Variants in KCTD16 observed in about 807,000 individuals in gnomAD.
KCTD16 encodes the protein BTB/POZ domain-containing protein KCTD16.
A neutral mutation model predicts 33.2 loss-of-function variants in KCTD16; 13 were observed. The ratio of observed to expected loss-of-function variants is 0.39; its 90% confidence interval spans 0.25 to 0.62. The LOEUF is 0.62. Among genes scored for constraint, KCTD16 ranks in the 20% least tolerant of loss-of-function variants. The pLI, the probability that KCTD16 is intolerant of heterozygous loss-of-function variation, is 0.50. For missense variants in KCTD16, 441 were observed against 525.1 expected, an observed-to-expected ratio of 0.84 and a Z score of 1.57; for synonymous variants, 197 against 195.3, an observed-to-expected ratio of 1.01 and a Z score of -0.07.
At chr5:144,436,949 A>C (rs183443469) in intron 3 of KCTD16, among the ~76,000 whole-genome samples, 3 of 152,150 alleles carry the variant, frequency 2.0e-5, no homozygotes, top group Admixed American at 2.0e-4. Flanking sequence ...CTATAATAAT[A>C]TGTACTACTG....
At chr5:144,308,460 AT>A (rs1214002238) in intron 3 of KCTD16, among the ~76,000 whole-genome samples, 16 of 152,092 alleles carry the variant, frequency 1.1e-4, no homozygotes, top group Non-Finnish European at 1.0e-4. Context: ...GCAGGTGTTG[AT>A]TTTTTTGTGA....
intron 3 of KCTD16, among the ~76,000 whole-genome samples, chr5:144,375,214 C>A (rs779262101): frequency 3.3e-5 from 5 of 152,192 alleles, no homozygotes; most frequent in Admixed American, 1.3e-4. Context: ...CTACCATAAC[C>A]TTTTACTAGC....
intron 3 of KCTD16, among the ~76,000 whole-genome samples, chr5:144,346,877 C>T (rs756290574): frequency 6.6e-6 from 1 of 152,036 alleles, no homozygotes; most frequent in Admixed American, 6.5e-5. Context: ...CCCATTTGTC[C>T]ATGTTTGCTT....
At position 144,401,509 on chromosome 5, in the gene KCTD16, C is replaced by T. The variant is rs111869250; in HGVS notation, c.833-72151C>T. On this transcript the variant is annotated intron_variant, in intron 3 of 3. Coordinates refer to ENST00000512467, the MANE Select transcript of KCTD16 (RefSeq NM_020768.4). The stretch of plus-strand genomic sequence containing the variant: ...ATGCTTTTGATTTGTTTCCATGTAC[C>T]TCTGATTTAGCTGATGGCTCTTGGG... 3.9e-3 allele frequency among the ~76,000 whole-genome samples: 592 copies of T among 152,192 alleles called. 6 individuals carry two copies. The highest frequency in any genetic ancestry group is 0.013 in the East Asian group (66 of 5,176).
chr5:144,334,560 G>A (rs1217027366), intron 3 of KCTD16, among the ~76,000 whole-genome samples: 1 of 152,170 alleles, frequency 6.6e-6, no homozygotes, highest in Non-Finnish European at 1.5e-5. Flanking sequence ...CAATTGCTGA[G>A]TGTGTGCTAT....
intron 3 of KCTD16, among the ~76,000 whole-genome samples, chr5:144,448,856 G>A (rs996617886): frequency 6.6e-6 from 1 of 151,942 alleles, no homozygotes; most frequent in African/African-American, 2.4e-5. Context: ...TCAATAGATA[G>A]CAAGTAATTC....
At chr5:144,275,551 A>G (rs980836228) in intron 3 of KCTD16, among the ~76,000 whole-genome samples, 1 of 152,218 alleles carries the variant, frequency 6.6e-6, no homozygotes, top group South Asian at 2.1e-4. Context: ...CATGGCAACA[A>G]CACAAGTGAA....
At position 144,473,923 on chromosome 5, in the gene KCTD16, C is replaced by G. The variant is rs1198982796; in HGVS notation, c.1096C>G (p.Leu366Val). Residue 366 changes from leucine (L) to valine (V), a missense_variant, in exon 4 of 4, where the codon CTC becomes GTC. Leu to Val is a conservative substitution (Grantham distance 32, BLOSUM62 1). Coordinates refer to ENST00000512467, the MANE Select transcript of KCTD16 (RefSeq NM_020768.4). ...AGAGATGCGGCGGAAAAGCGACTTA[C>G]TCCGGACTCTGACTTCAGGCTCCAG... The part of the protein sequence containing the change: ...QSEMRRKSDL[L>V]RTLTSGSRES... 3.7e-6 allele frequency: 6 copies of G among 1,614,034 alleles called. No individual in the cohort carries two copies. The highest frequency in any genetic ancestry group is 1.3e-5 in the African/African-American group (1 of 74,994).
intron 3 of KCTD16, among the ~76,000 whole-genome samples, chr5:144,403,855 G>A (rs766580469): frequency 6.6e-6 from 1 of 152,120 alleles, no homozygotes; most frequent in Non-Finnish European, 1.5e-5. Context: ...CTATCATTCT[G>A]GAAGTAACAG....
chr5:144,442,849 C>T (rs956848442), intron 3 of KCTD16, among the ~76,000 whole-genome samples: 4 of 147,448 alleles, frequency 2.7e-5, no homozygotes, highest in African/African-American at 8.1e-5. Context: ...GACACCTTTG[C>T]TCTATACTAG....
chr5:144,208,676 G>A lies in KCTD16; in HGVS notation c.832+1130G>A, dbSNP rs560156564. On this transcript the variant is annotated intron_variant, in intron 3 of 3. Coordinates refer to ENST00000512467, the MANE Select transcript of KCTD16 (RefSeq NM_020768.4). ...TTTCTTGGACTGGTTTTTTTCCTTA[G>A]TTATGTTTAATCATTTGGCAATGGT... Among the ~76,000 whole-genome samples, 14 of 152,194 alleles carry A rather than the reference G, an allele frequency of 9.2e-5. No homozygotes were observed. The South Asian group carries it at 2.9e-3, about 32-fold the overall frequency.
At chr5:144,366,087 C>T (rs1751826181) in intron 3 of KCTD16, among the ~76,000 whole-genome samples, 1 of 152,054 alleles carries the variant, frequency 6.6e-6, no homozygotes, top group African/African-American at 2.4e-5. Context: ...TATTTTGCCT[C>T]CTTGGAATGT....
chr5:144,419,440 G>T (rs1249555484), intron 3 of KCTD16, among the ~76,000 whole-genome samples: 1 of 152,240 alleles, frequency 6.6e-6, no homozygotes, highest in Middle Eastern at 3.4e-3. Flanking sequence ...CATTCCTTTT[G>T]CAAACAAGGT....
At chr5:144,449,397 A>T (rs1363664248) in intron 3 of KCTD16, among the ~76,000 whole-genome samples, 2 of 152,038 alleles carry the variant, frequency 1.3e-5, no homozygotes, top group African/African-American at 2.4e-5. Flanking sequence ...GTAGAAAAAA[A>T]ATACTAAAAT....
intron 3 of KCTD16, among the ~76,000 whole-genome samples, chr5:144,264,408 T>C (rs1471477693): frequency 1.3e-5 from 2 of 152,178 alleles, no homozygotes; most frequent in Non-Finnish European, 2.9e-5. Context: ...CATATGTAAA[T>C]TTGGATTTAC....
chr5:144,314,051 A>C (rs1184028134), intron 3 of KCTD16, among the ~76,000 whole-genome samples: 2 of 152,188 alleles, frequency 1.3e-5, no homozygotes, highest in African/African-American at 4.8e-5. Context: ...AAAGTCTACT[A>C]TGAGGCACTA....
intron 3 of KCTD16, among the ~76,000 whole-genome samples, chr5:144,307,821 C>A (rs1405445202): frequency 1.3e-5 from 2 of 152,216 alleles, no homozygotes; most frequent in Non-Finnish European, 2.9e-5. Context: ...TTCTGAAATT[C>A]TTAGCCAAGA....
At chr5:144,358,535 A>G (rs948737267) in intron 3 of KCTD16, among the ~76,000 whole-genome samples, 1 of 152,152 alleles carries the variant, frequency 6.6e-6, no homozygotes, top group Non-Finnish European at 1.5e-5. Context: ...TAAAGGTAAG[A>G]TCCTGGGGCA....
In KCTD16 at chr5:144,480,238, C is replaced by T. The variant is rs929195428; in HGVS notation, c.*6124C>T. 1 of 151,848 alleles carries T rather than the reference C, an allele frequency of 6.6e-6. No homozygotes were observed. The highest frequency in any genetic ancestry group is 2.4e-5 in the African/African-American group (1 of 41,376). 9.4% of individuals were successfully genotyped at this position (151,848 alleles called of 1,614,324 possible). A position where few individuals can be genotyped will look rare whatever the true frequency, so the allele number is the denominator to read the frequency against. On this transcript the variant is annotated 3_prime_UTR_variant, in exon 4 of 4. Transcript: ENST00000512467. ...TGTGCGTGGGAGTGCTATCCGAGTG[C>T]ATGGAAAAAGCCTTTGGTTACATAG... is the stretch of plus-strand genomic sequence containing the variant.
Sources: gnomAD v4.1 joint callset for allele counts (sites outside exome capture counted in the v4.1 genomes callset) on GRCh38, gnomAD v4.1.1 for gene constraint, MANE v1.5 for transcripts, NCBI Gene and HGNC (gene_info 2026-07-23, HGNC 2026-07-21) for gene names.